TAF15: variants seen among roughly 807,000 people sequenced by gnomAD.
TAF15 encodes TATA-box binding protein associated factor 15, also known as TATA-binding protein-associated factor 2N.
Under a neutral mutation model 102.5 loss-of-function variants are expected in TAF15, and 37 were observed. That is an observed-to-expected ratio of 0.36 (90% CI 0.28 to 0.47). The LOEUF (loss-of-function observed/expected upper bound fraction) is 0.47. Among genes scored for constraint, TAF15 ranks in the 20% least tolerant of loss-of-function variants. The probability of loss-of-function intolerance (pLI) is 0.99; values close to 1 mark genes in which losing one functional copy is unlikely to be tolerated. For synonymous variants in TAF15, 273 were observed against 259.2 expected, an observed-to-expected ratio of 1.05 and a Z score of -0.51; for missense variants, 652 against 760.7, an observed-to-expected ratio of 0.86 and a Z score of 1.68.
Position 35,836,255 on chromosome 17 carries a change from T to TTA in TAF15, c.783+18_783+19dup. 1 of 1,513,532 alleles carries TTA rather than the reference T, an allele frequency of 6.6e-7. No individual in the cohort carries two copies. The highest frequency in any genetic ancestry group is 9.2e-7 in the Non-Finnish European group (1 of 1,089,442). The allele number at this position is 1,513,532 out of a possible 1,614,324, so 93.8% of individuals were successfully genotyped here. On this transcript the variant is annotated intron_variant, in intron 10 of 15. Transcript: ENST00000605844. Reference sequence around the variant, plus strand: ...GGAATTATCAAGGTGAGTAAAAATATTATATGTTGAAAATCTCATAATTAA... The same window carrying TTA: ...GGAATTATCAAGGTGAGTAAAAATATTATATATGTTGAAAATCTCATAATTAA...
chr17:35,838,898 G>C (rs190954677), intron 11 of TAF15, among the ~76,000 whole-genome samples: 1 of 152,144 alleles, frequency 6.6e-6, no homozygotes, highest in East Asian at 1.9e-4. Context: ...GTAAAGTCTG[G>C]GGTTTTCCTG....
intron 11 of TAF15, among the ~76,000 whole-genome samples, chr17:35,839,993 T>G (rs892554082): frequency 6.6e-6 from 1 of 152,104 alleles, no homozygotes; most frequent in East Asian, 1.9e-4. Context: ...TTAACTCAAT[T>G]TAATCTTCAT....
At chr17:35,811,069 A>G (rs4251716) in intron 1 of TAF15, 9 of 152,378 alleles carry the variant, frequency 5.9e-5, no homozygotes, top group African/African-American at 2.2e-4. Flanking sequence ...AGAGTGTATC[A>G]TCTACCCGTG....
chr17:35,833,602 T>G (rs189004505), intron 7 of TAF15: 1 of 269,938 alleles, frequency 3.7e-6, no homozygotes, highest in African/African-American at 2.2e-5. Flanking sequence ...TTTTTCATGC[T>G]GTGCCTCCAG....
rs1403622336 is a variant in TAF15, at chr17:35,844,970, C to G, written c.1671C>G (p.Gly557=). The change falls in exon 15 of 16, where the codon GGC becomes GGG. Residue 557 remains glycine, a synonymous_variant. Coordinates refer to ENST00000605844, the MANE Select transcript of TAF15 (RefSeq NM_139215.3). ...ATGGAGGAGACAGGAGTGGTGGCGG[C>G]TATGGAGGAGACCGAGGTGGGGGCT... The part of the protein sequence containing the change: ...GGYGGDRSGG[G]YGGDRGGGYG... The G allele has an allele frequency of 6.2e-7, 1 of 1,612,648 alleles. No homozygotes were observed. Among genetic ancestry groups the G allele is most frequent in the Non-Finnish European group, 8.5e-7 (1 of 1,179,206 alleles).
intron 1 of TAF15, among the ~76,000 whole-genome samples, chr17:35,816,053 C>T (rs1245414473): frequency 6.6e-6 from 1 of 152,084 alleles, no homozygotes; most frequent in Non-Finnish European, 1.5e-5. Context: ...CCTCGACCTC[C>T]TGGGCTCAAG....
At chr17:35,822,516 A>G (rs1568252971) in intron 5 of TAF15, 124 bp from the exon 6 acceptor site, 4 of 826,836 alleles carry the variant, frequency 4.8e-6, no homozygotes, top group Non-Finnish European at 7.8e-6. Context: ...TTACCATGAG[A>G]AGGTAGTCAT....
intron 10 of TAF15, among the ~76,000 whole-genome samples, chr17:35,836,838 C>T (rs2087480916): frequency 2.0e-5 from 3 of 151,450 alleles, no homozygotes; most frequent in Non-Finnish European, 2.9e-5. Context: ...AGTGCAGTGG[C>T]GCGATGTCGG....
At chr17:35,812,075 C>T (rs776281839) in intron 1 of TAF15, among the ~76,000 whole-genome samples, 25 of 151,906 alleles carry the variant, frequency 1.6e-4, no homozygotes, top group Non-Finnish European at 2.8e-4. Context: ...AACGTACGGA[C>T]CATTAACGCC....
At chr17:35,827,361 T>C (rs1029861717) in intron 7 of TAF15, among the ~76,000 whole-genome samples, 1 of 151,634 alleles carries the variant, frequency 6.6e-6, no homozygotes, top group Non-Finnish European at 1.5e-5. Flanking sequence ...AATAGTTCTT[T>C]TGGGGGCTGT....
intron 1 of TAF15, among the ~76,000 whole-genome samples, chr17:35,814,170 GA>G (rs1173628855): frequency 1.3e-5 from 2 of 150,974 alleles, no homozygotes; most frequent in African/African-American, 4.9e-5. Context: ...ACCAAAAGGT[GA>G]TTTTTTTTTT....
chr17:35,818,402 T>G (rs1337541151), intron 2 of TAF15: 2 of 152,372 alleles, frequency 1.3e-5, no homozygotes, highest in African/African-American at 4.8e-5. Context: ...CCTCTTCCTT[T>G]TCTTAAATCT....
At chr17:35,832,217 A>T (rs2087416239) in intron 7 of TAF15, among the ~76,000 whole-genome samples, 1 of 152,208 alleles carries the variant, frequency 6.6e-6, no homozygotes, top group South Asian at 2.1e-4. Context: ...AAGTAAAGGG[A>T]GGGCTTTAGT....
At chr17:35,821,535 T>C (rs1374587835) in intron 5 of TAF15, among the ~76,000 whole-genome samples, 1 of 152,008 alleles carries the variant, frequency 6.6e-6, no homozygotes, top group Non-Finnish European at 1.5e-5. Context: ...TATTAGATTG[T>C]TCTGATCCTC....
intron 6 of TAF15, 112 bp from the exon 7 acceptor site, chr17:35,823,966 C>G (rs944605923): frequency 7.5e-7 from 1 of 1,327,268 alleles, no homozygotes; most frequent in Admixed American, 1.7e-5. Flanking sequence ...GTTGTGTGCA[C>G]ATGTGCCATT....
intron 13 of TAF15, 45 bp downstream of exon 13, chr17:35,844,203 G>A: frequency 6.2e-7 from 1 of 1,612,290 alleles, no homozygotes; most frequent in Non-Finnish European, 8.5e-7. Flanking sequence ...TTGGGATTGG[G>A]GCTGTGGAGG....
At chr17:35,835,990 A>G (rs1277186977) in intron 9 of TAF15, 142 bp from the exon 10 acceptor site, 17 of 637,004 alleles carry the variant, frequency 2.7e-5, no homozygotes, top group Admixed American at 5.5e-5. Flanking sequence ...GCATGTTTAT[A>G]TAAGGTTGTT....
At chr17:35,827,460 C>T (rs1461627251) in intron 7 of TAF15, among the ~76,000 whole-genome samples, 1 of 151,976 alleles carries the variant, frequency 6.6e-6, no homozygotes, top group African/African-American at 2.4e-5. Flanking sequence ...AATTCCAGCA[C>T]TTTGGAGGGC....
At chr17:35,841,696 C>CT (rs549802660) in intron 11 of TAF15, among the ~76,000 whole-genome samples, 1,932 of 135,152 alleles carry the variant, frequency 0.014, 36 homozygotes, top group African/African-American at 0.027. Context: ...TCACGCCCAG[C>CT]TTTTTTTTTT....
Sources: gnomAD v4.1 joint callset for allele counts (sites outside exome capture counted in the v4.1 genomes callset) on GRCh38, gnomAD v4.1.1 for gene constraint, MANE v1.5 for transcripts, NCBI Gene and HGNC (gene_info 2026-07-23, HGNC 2026-07-21) for gene names.